UGT1A9: variants seen among roughly 807,000 people sequenced by gnomAD.
UGT1A9 encodes the protein UDP glucuronosyltransferase family 1 member A9.
UGT1A9 carries 35 observed loss-of-function variants against 45.0 expected under a neutral mutation model. The observed-to-expected ratio is 0.78, with a 90% CI of 0.59 to 1.03. The LOEUF (loss-of-function observed/expected upper bound fraction) is 1.03. Among genes scored for constraint, UGT1A9 ranks in the 50% least tolerant of loss-of-function variants. The probability of loss-of-function intolerance (pLI) is 0.00; values close to 1 mark genes in which losing one functional copy is unlikely to be tolerated. For missense variants in UGT1A9, 687 were observed against 666.6 expected, an observed-to-expected ratio of 1.03 and a Z score of -0.34; for synonymous variants, 278 against 250.6, an observed-to-expected ratio of 1.11 and a Z score of -1.03.
intron 1 of UGT1A9, chr2:233,682,228 C>T: frequency 1.2e-6 from 2 of 1,614,236 alleles, no homozygotes; most frequent in Non-Finnish European, 1.7e-6. Context: ...CCGATGCTCG[C>T]TGGACGGCAC....
chr2:233,759,106 A>G (rs1201357273), intron 1 of UGT1A9, among the ~76,000 whole-genome samples: 1 of 152,224 alleles, frequency 6.6e-6, no homozygotes, highest in Non-Finnish European at 1.5e-5. Flanking sequence ...ACAGTTTGCA[A>G]ACCAGGGAGT....
intron 1 of UGT1A9, among the ~76,000 whole-genome samples, chr2:233,765,655 G>A (rs1698901056): frequency 6.6e-6 from 1 of 151,526 alleles, no homozygotes; most frequent in African/African-American, 2.4e-5. Context: ...AATAGGTGCA[G>A]CAAACCACCA....
intron 1 of UGT1A9, among the ~76,000 whole-genome samples, chr2:233,678,018 C>T (rs1047311283): frequency 1.3e-5 from 2 of 152,054 alleles, no homozygotes; most frequent in African/African-American, 4.8e-5. Context: ...TCCTTTGTAA[C>T]AACATGGATG....
At chr2:233,747,947 G>T in intron 1 of UGT1A9, 1 of 1,613,454 alleles carries the variant, frequency 6.2e-7, no homozygotes, top group Non-Finnish European at 8.5e-7. Flanking sequence ...AGGTGTCAGT[G>T]GTGGATCTTC....
Position 233,672,511 on chromosome 2 carries a change from A to G in UGT1A9, c.577A>G (p.Ile193Val), listed in dbSNP as rs762199881. Residue 193 changes from isoleucine (I) to valine (V), a missense_variant, in exon 1 of 5, where the codon ATT becomes GTT. Ile to Val is a conservative substitution (Grantham distance 29). Coordinates refer to ENST00000354728, the MANE Select transcript of UGT1A9 (RefSeq NM_021027.3). Reference sequence around the variant, plus strand: ...TGCTCCTCTTTCCTATGTCCCCAGAATTCTCTTAGGGTTCTCAGATGCCAT... The same window carrying G: ...TGCTCCTCTTTCCTATGTCCCCAGAGTTCTCTTAGGGTTCTCAGATGCCAT... ...CPAPLSYVPR[I>V]LLGFSDAMTF... 1.9e-6 allele frequency: 3 copies of G among 1,613,780 alleles called. No homozygotes were observed. The highest frequency in any genetic ancestry group is 1.3e-5 in the African/African-American group (1 of 74,900).
intron 1 of UGT1A9, among the ~76,000 whole-genome samples, chr2:233,700,669 C>T (rs542466137): frequency 1.3e-5 from 2 of 151,964 alleles, no homozygotes; most frequent in Admixed American, 1.3e-4. Flanking sequence ...CTTTTCAGCA[C>T]AAATTCGTGA....
At chr2:233,704,215 T>C (rs946162236) in intron 1 of UGT1A9, among the ~76,000 whole-genome samples, 1 of 151,050 alleles carries the variant, frequency 6.6e-6, no homozygotes, top group African/African-American at 2.4e-5. Flanking sequence ...ATGCTCTATA[T>C]CTCTCATGTA....
At chr2:233,709,031 A>G (rs1166379851) in intron 1 of UGT1A9, among the ~76,000 whole-genome samples, 3 of 152,146 alleles carry the variant, frequency 2.0e-5, no homozygotes, top group Non-Finnish European at 4.4e-5. Context: ...CAGGGGCTTC[A>G]GCCTGAGTTC....
chr2:233,769,616 G>A lies in UGT1A9; in HGVS notation c.1295+1177G>A, dbSNP rs2126047271. The stretch of plus-strand genomic sequence containing the variant: ...ACGGAACACGGGGACACACCAGCTT[G>A]AGCAAGGGACAACAGGGGAGGACTG... On this transcript the variant is annotated intron_variant, in intron 4 of 4. Transcript: ENST00000354728. This position sits in a 1 kb window ranked among gnomAD's most constrained non-coding sequence, Gnocchi z 4.4. The A allele has an allele frequency of 1.9e-6, 3 of 1,612,698 alleles. No individual in the cohort carries two copies. Among genetic ancestry groups the A allele is most frequent in the East Asian group, 4.5e-5 (2 of 44,884 alleles).
Position 233,768,248 on chromosome 2 carries a change from C to A in UGT1A9, c.1104C>A (p.Thr368=). The change falls in exon 4 of 5, where the codon ACC becomes ACA. Residue 368 remains threonine, a synonymous_variant. Transcript: ENST00000354728. ...LGHPMTRAFI[T]HAGSHGVYES... is the part of the protein sequence containing the mutation. Reference sequence around the variant, plus strand: ...ACCCGATGACCCGTGCCTTTATCACCCATGCTGGTTCCCATGGTGTTTATG... The same window carrying A: ...ACCCGATGACCCGTGCCTTTATCACACATGCTGGTTCCCATGGTGTTTATG... 1 of 1,614,138 alleles carries A rather than the reference C, an allele frequency of 6.2e-7. No homozygotes were observed. The highest frequency in any genetic ancestry group is 1.1e-5 in the South Asian group (1 of 91,084).
chr2:233,713,342 GAAC>G, intron 1 of UGT1A9: 1 of 1,614,196 alleles, frequency 6.2e-7, no homozygotes, highest in Non-Finnish European at 8.5e-7. Context: ...TGGCAATTAT[GAAC>G]AATATGTCTT....
At chr2:233,738,017 G>A (rs1338863372) in intron 1 of UGT1A9, among the ~76,000 whole-genome samples, 1 of 152,028 alleles carries the variant, frequency 6.6e-6, no homozygotes, top group Non-Finnish European at 1.5e-5. Flanking sequence ...ATCTTGAATT[G>A]TAATCCCCAT....
At chr2:233,702,884 A>G (rs2075712374) in intron 1 of UGT1A9, among the ~76,000 whole-genome samples, 1 of 152,194 alleles carries the variant, frequency 6.6e-6, no homozygotes, top group South Asian at 2.1e-4. Flanking sequence ...GGACTTTTGC[A>G]TCATATCCAT....
intron 1 of UGT1A9, among the ~76,000 whole-genome samples, chr2:233,712,196 T>C (rs2076218375): frequency 6.6e-6 from 1 of 152,214 alleles, no homozygotes; most frequent in Non-Finnish European, 1.5e-5. Flanking sequence ...GCTCCCCCGG[T>C]CCCTTGGTGA....
At chr2:233,760,234 A>ATG in intron 1 of UGT1A9, 1 of 1,136,914 alleles carries the variant, frequency 8.8e-7, no homozygotes, top group South Asian at 1.5e-5. Context: ...GGTTTTTGCC[A>ATG]TATATATATA....
In UGT1A9 at chr2:233,672,297, T is replaced by C; in HGVS notation, c.363T>C (p.Phe121=). Residue 121 remains phenylalanine (F), a synonymous_variant, in exon 1 of 5, where the codon TTT becomes TTC. Coordinates refer to ENST00000354728, the MANE Select transcript of UGT1A9 (RefSeq NM_021027.3). The stretch of plus-strand genomic sequence containing the variant: ...ACAATGACATTTTTGACTTATTTTT[T>C]TCAAATTGCAGGAGTTTGTTTAAAG... ...GSYNDIFDLF[F]SNCRSLFKDK... 2 of 1,613,948 alleles carry C rather than the reference T, an allele frequency of 1.2e-6. No individual in the cohort carries two copies. Among genetic ancestry groups the C allele is most frequent in the Non-Finnish European group, 1.7e-6 (2 of 1,179,896 alleles).
intron 1 of UGT1A9, chr2:233,743,185 G>T (rs546323978): frequency 5.4e-6 from 2 of 372,628 alleles, no homozygotes; most frequent in Non-Finnish European, 1.1e-5. Flanking sequence ...ATGTGGACTG[G>T]AATTACTTGG....
At chr2:233,755,091 T>C (rs747522597) in intron 1 of UGT1A9, 2 of 1,335,830 alleles carry the variant, frequency 1.5e-6, no homozygotes, top group East Asian at 4.6e-5. Flanking sequence ...ATCGCGTTTC[T>C]ACGCGTCCGA....
At chr2:233,714,671 C>T (rs1376382051) in intron 1 of UGT1A9, among the ~76,000 whole-genome samples, 2 of 152,144 alleles carry the variant, frequency 1.3e-5, no homozygotes, top group Non-Finnish European at 2.9e-5. Context: ...AGATGTATCC[C>T]AAATATTATC....
Sources: allele counts gnomAD v4.1 joint callset (sites outside exome capture counted in the v4.1 genomes callset), GRCh38; gene constraint gnomAD v4.1.1; non-coding constraint Gnocchi (gnomAD v3.1); transcripts MANE v1.5; gene names NCBI Gene and HGNC (gene_info 2026-07-23, HGNC 2026-07-21).